Variants in PSD3 observed in about 807,000 individuals in gnomAD.
PSD3 encodes pleckstrin and Sec7 domain containing 3, also known as PH and SEC7 domain-containing protein 3.
In PSD3, 49 loss-of-function variants were observed where a neutral mutation model predicts 105.5. That is an observed-to-expected ratio of 0.46 (90% CI 0.37 to 0.59). PSD3 has a LOEUF of 0.59. Ranked by LOEUF, PSD3 falls within the 20% of genes least tolerant of loss-of-function variation. The pLI, the probability that PSD3 is intolerant of heterozygous loss-of-function variation, is 0.00. For missense variants in PSD3, 1,561 were observed against 1,263.8 expected, an observed-to-expected ratio of 1.24 and a Z score of -3.57; for synonymous variants, 557 against 457.8, an observed-to-expected ratio of 1.22 and a Z score of -2.77.
intron 13 of PSD3, among the ~76,000 whole-genome samples, chr8:18,574,844 A>C (rs548013254): frequency 1.6e-4 from 24 of 152,308 alleles, no homozygotes; most frequent in Non-Finnish European, 3.5e-4. Context: ...AAACTTGTCT[A>C]CTAAAACCCT....
intron 9 of PSD3, among the ~76,000 whole-genome samples, chr8:18,734,750 G>C (rs1200501646): frequency 1.3e-5 from 2 of 152,176 alleles, no homozygotes; most frequent in Non-Finnish European, 2.9e-5. Context: ...CTTTAAGCCT[G>C]TGAACCCGTA....
chr8:18,563,115 CT>C (rs138090910), intron 14 of PSD3, among the ~76,000 whole-genome samples: 1 of 152,072 alleles, frequency 6.6e-6, no homozygotes, highest in Middle Eastern at 3.2e-3. Context: ...AAAAAGGTCA[CT>C]TTTTTCCTTC....
chr8:19,084,173 T>C, intron 1 of PSD3: 1 of 417,850 alleles, frequency 2.4e-6, no homozygotes, highest in Non-Finnish European at 4.8e-6. Context: ...GCTCCCTTTC[T>C]TCTGCTGGGA....
chr8:18,536,680 T>A (rs912607112), intron 15 of PSD3, among the ~76,000 whole-genome samples: 1 of 152,230 alleles, frequency 6.6e-6, no homozygotes, highest in Admixed American at 6.5e-5. Flanking sequence ...ACCTACTATG[T>A]TTCAAACAGT....
At position 18,608,872 on chromosome 8, in the gene PSD3, T is replaced by A. The variant is rs1194329744; in HGVS notation, c.2411-8438A>T. 5.3e-5 allele frequency among the ~76,000 whole-genome samples: 8 copies of A among 152,208 alleles called. No individual in the cohort carries two copies. In the East Asian group the frequency reaches 1.3e-3, roughly 26 times the overall value. On this transcript the variant is annotated intron_variant, in intron 11 of 15. Transcript: ENST00000327040. Reference sequence around the variant, plus strand: ...TCTCAACTGAACTGGAAATGGATTGTGTTTAAGATTTTACTGTTCCAATTT... The same window carrying A: ...TCTCAACTGAACTGGAAATGGATTGAGTTTAAGATTTTACTGTTCCAATTT...
At chr8:18,894,235 A>G (rs760947774) in intron 2 of PSD3, among the ~76,000 whole-genome samples, 1 of 152,242 alleles carries the variant, frequency 6.6e-6, no homozygotes, top group Non-Finnish European at 1.5e-5. Flanking sequence ...TTGTACAATT[A>G]ATTTTGAACC....
intron 10 of PSD3, among the ~76,000 whole-genome samples, chr8:18,654,549 T>A (rs1808746855): frequency 6.6e-6 from 1 of 152,238 alleles, no homozygotes; most frequent in Non-Finnish European, 1.5e-5. Flanking sequence ...AATTTTGAAC[T>A]GCTATATTGA....
intron 1 of PSD3, among the ~76,000 whole-genome samples, chr8:19,063,696 T>G (rs1307428216): frequency 1.3e-5 from 2 of 152,132 alleles, no homozygotes; most frequent in East Asian, 3.9e-4. Context: ...TCCCTAGAAG[T>G]GTGGTAGTGC....
At chr8:18,750,612 C>T (rs1805398986) in intron 9 of PSD3, among the ~76,000 whole-genome samples, 1 of 151,992 alleles carries the variant, frequency 6.6e-6, no homozygotes, top group South Asian at 2.1e-4. Flanking sequence ...CTCCGGCAGC[C>T]TGCTTTTATT....
intron 9 of PSD3, among the ~76,000 whole-genome samples, chr8:18,721,559 G>A (rs1374233443): frequency 6.6e-6 from 1 of 152,176 alleles, no homozygotes; most frequent in Non-Finnish European, 1.5e-5. Flanking sequence ...TGAGGAAGGT[G>A]ATATTGTATA....
intron 8 of PSD3, among the ~76,000 whole-genome samples, chr8:18,781,809 T>C (rs1808661373): frequency 1.3e-5 from 2 of 152,200 alleles, no homozygotes; most frequent in South Asian, 4.1e-4. Context: ...CCATTACCCA[T>C]CTGTTCTCTT....
chr8:18,659,978 A>T (rs966013642), intron 9 of PSD3, among the ~76,000 whole-genome samples: 1 of 152,196 alleles, frequency 6.6e-6, no homozygotes, highest in African/African-American at 2.4e-5. Context: ...TTAATGGGAC[A>T]GGGCAGCCCA....
chr8:18,600,272 A>C, intron 12 of PSD3, 92 bp downstream of exon 12: 1 of 1,157,516 alleles, frequency 8.6e-7, no homozygotes, highest in Non-Finnish European at 1.2e-6. Flanking sequence ...AAGTGAAACC[A>C]CAGATAAGGG....
intron 8 of PSD3, among the ~76,000 whole-genome samples, chr8:18,771,436 A>G (rs1300230616): frequency 6.6e-6 from 1 of 152,214 alleles, no homozygotes; most frequent in Non-Finnish European, 1.5e-5. Flanking sequence ...TGCCTAATCC[A>G]ACATCACAAA....
At chr8:18,828,241 CT>C (rs973525116) in intron 4 of PSD3, among the ~76,000 whole-genome samples, 4 of 151,802 alleles carry the variant, frequency 2.6e-5, no homozygotes, top group South Asian at 2.1e-4. Flanking sequence ...CAGCTTTCTA[CT>C]TTTTCTCCTA....
intron 2 of PSD3, among the ~76,000 whole-genome samples, chr8:18,887,272 T>C (rs1258048539): frequency 6.6e-6 from 1 of 152,222 alleles, no homozygotes; most frequent in African/African-American, 2.4e-5. Flanking sequence ...AAATCCTGCT[T>C]TGCCAGTCCT....
At chr8:18,991,363 CACACACACAT>C (rs1307874404) in intron 1 of PSD3, among the ~76,000 whole-genome samples, 1,713 of 61,348 alleles carry the variant, frequency 0.028, 36 homozygotes, top group African/African-American at 0.076. Context: ...TACACACACA[CACACACACAT>C]ACACACACAC....
chr8:18,614,300 G>A (rs1354217233), intron 11 of PSD3, among the ~76,000 whole-genome samples: 1 of 151,836 alleles, frequency 6.6e-6, no homozygotes, highest in East Asian at 1.9e-4. Flanking sequence ...ACGTTGGTTT[G>A]TTGCTGCAAC....
intron 1 of PSD3, among the ~76,000 whole-genome samples, chr8:18,986,106 A>T (rs900986903): frequency 4.6e-5 from 7 of 152,284 alleles, no homozygotes; most frequent in African/African-American, 1.7e-4. Context: ...TTAATTGTGC[A>T]AGGTCAAAAT....
Sources: gnomAD v4.1 joint callset for allele counts (sites outside exome capture counted in the v4.1 genomes callset) on GRCh38, gnomAD v4.1.1 for gene constraint, MANE v1.5 for transcripts, NCBI Gene and HGNC (gene_info 2026-07-23, HGNC 2026-07-21) for gene names.